Variants in NDST4 observed in about 807,000 individuals in gnomAD.
The protein encoded by NDST4 is N-deacetylase and N-sulfotransferase 4.
NDST4 carries 63 observed loss-of-function variants against 100.8 expected under a neutral mutation model. That is an observed-to-expected ratio of 0.62 (90% CI 0.51 to 0.77). The LOEUF is 0.77. NDST4 is among the 30% of genes least tolerant of loss of function. The probability of loss-of-function intolerance (pLI) is 0.00; values close to 1 mark genes in which losing one functional copy is unlikely to be tolerated. For synonymous variants in NDST4, 377 were observed against 361.8 expected (o/e 1.04, Z -0.48); for missense variants, 943 against 1,018.4 (o/e 0.93, Z 1.01).
Position 114,993,362 on chromosome 4 carries a change from A to G in NDST4, c.979-16088T>C, listed in dbSNP as rs531142152. Reference sequence around the variant, plus strand: ...AAGAATTGGAGTAGGCAAAAAACTTACTTGAACGTTCCTTCACCTTGTAGC... The same window carrying G: ...AAGAATTGGAGTAGGCAAAAAACTTGCTTGAACGTTCCTTCACCTTGTAGC... On this transcript the variant is annotated intron_variant, in intron 2 of 13. Transcript: ENST00000264363. Among the ~76,000 whole-genome samples, 426 of 151,988 alleles carry G rather than the reference A, an allele frequency of 2.8e-3. 2 individuals are homozygous for G. The highest frequency in any genetic ancestry group is 1.0e-2 in the African/African-American group (414 of 41,520).
intron 1 of NDST4, among the ~76,000 whole-genome samples, chr4:115,093,936 C>G (rs511198): frequency 0.77 from 117,257 of 151,866 alleles, 45,927 homozygotes; most frequent in African/African-American, 0.89. Flanking sequence ...GAGCAGAACA[C>G]ATTCAGATAT....
Position 115,008,305 on chromosome 4 carries a change from G to A in NDST4, c.979-31031C>T, listed in dbSNP as rs1424351335. 1.6e-5 allele frequency among the ~76,000 whole-genome samples: 2 copies of A among 129,000 alleles called. 1 individual carries two copies. The highest frequency in any genetic ancestry group is 5.9e-5 in the African/African-American group (2 of 33,950). The allele number at this position is 129,000 out of a possible 152,430, so 84.6% of individuals were successfully genotyped here. On this transcript the variant is annotated intron_variant, in intron 2 of 13. Transcript: ENST00000264363. ...ATGCAGTTTCTTCCTAGACTCGATGGTCTTTACAATTTGGCATGATTTTGC... is the reference window on the plus strand; with the variant it reads ...ATGCAGTTTCTTCCTAGACTCGATGATCTTTACAATTTGGCATGATTTTGC...
chr4:114,841,083 A>G lies in NDST4; in HGVS notation c.2116-1535T>C, dbSNP rs28564632. On this transcript the variant is annotated intron_variant, in intron 10 of 13. Transcript: ENST00000264363. ...TTAATACAGTAATGCTAAAATGTCTACCTTAAGCAGTGATAATATGAAACT... is the reference window on the plus strand; with the variant it reads ...TTAATACAGTAATGCTAAAATGTCTGCCTTAAGCAGTGATAATATGAAACT... Among the ~76,000 whole-genome samples the G allele has an allele frequency of 2.7e-3, 404 of 151,776 alleles. 3 individuals are homozygous for G. Among genetic ancestry groups the G allele is most frequent in the African/African-American group, 9.4e-3 (385 of 41,162 alleles).
intron 6 of NDST4, among the ~76,000 whole-genome samples, chr4:114,891,406 C>T (rs1724593977): frequency 6.6e-6 from 1 of 152,054 alleles, no homozygotes; most frequent in African/African-American, 2.4e-5. Context: ...GATCATTTCA[C>T]ATTCTTCTCA....
intron 11 of NDST4, among the ~76,000 whole-genome samples, chr4:114,835,502 TC>T (rs552862552): frequency 1.4e-3 from 210 of 152,348 alleles, no homozygotes; most frequent in African/African-American, 4.7e-3. Context: ...TGATTTCCAT[TC>T]TTTTGCATTT....
chr4:114,842,825 C>CA (rs907348358), intron 10 of NDST4: 4 of 155,014 alleles, frequency 2.6e-5, no homozygotes, highest in African/African-American at 7.3e-5. Context: ...GCAACAACAA[C>CA]AAAAAACTTT....
intron 6 of NDST4, among the ~76,000 whole-genome samples, chr4:114,922,400 A>G (rs1366848803): frequency 6.6e-6 from 1 of 152,164 alleles, no homozygotes. Context: ...GCCACTGTGC[A>G]TGTGGACAGC....
At chr4:115,080,974 C>A (rs1489020125) in intron 1 of NDST4, among the ~76,000 whole-genome samples, 1 of 151,942 alleles carries the variant, frequency 6.6e-6, no homozygotes, top group Non-Finnish European at 1.5e-5. Context: ...CAAGTTAATA[C>A]TTGGTTTAAT....
intron 1 of NDST4, among the ~76,000 whole-genome samples, chr4:115,087,533 A>G (rs1729432697): frequency 6.6e-6 from 1 of 150,956 alleles, no homozygotes; most frequent in South Asian, 2.1e-4. Flanking sequence ...TTGACAGTGG[A>G]TGGTTTTAAA....
intron 2 of NDST4, among the ~76,000 whole-genome samples, chr4:115,048,058 A>G (rs915971897): frequency 6.6e-6 from 1 of 151,792 alleles, no homozygotes; most frequent in Admixed American, 6.6e-5. Flanking sequence ...AAACTTAATG[A>G]CTGGGTAATA....
At chr4:114,898,106 G>T (rs371486467) in intron 6 of NDST4, among the ~76,000 whole-genome samples, 20 of 152,170 alleles carry the variant, frequency 1.3e-4, no homozygotes, top group African/African-American at 4.6e-4. Flanking sequence ...GCCTTTGGTG[G>T]TGTAGCTAAA....
intron 2 of NDST4, among the ~76,000 whole-genome samples, chr4:114,991,465 A>C (rs1189469418): frequency 6.6e-6 from 1 of 152,048 alleles, no homozygotes; most frequent in African/African-American, 2.4e-5. Context: ...AAGGCAAATA[A>C]ATATTTTGAA....
chr4:114,995,654 T>C (rs1364292258), intron 2 of NDST4, among the ~76,000 whole-genome samples: 1 of 152,132 alleles, frequency 6.6e-6, no homozygotes, highest in Non-Finnish European at 1.5e-5. Context: ...CAAAATGATC[T>C]TCCCAATTAT....
chr4:114,969,182 C>A (rs1301578691), intron 4 of NDST4, among the ~76,000 whole-genome samples: 1 of 150,984 alleles, frequency 6.6e-6, no homozygotes, highest in African/African-American at 2.4e-5. Flanking sequence ...GGCGTAGTGG[C>A]GGGCGCCTGT....
chr4:114,985,483 C>A (rs1022103434), intron 2 of NDST4, among the ~76,000 whole-genome samples: 2 of 152,212 alleles, frequency 1.3e-5, no homozygotes, highest in African/African-American at 4.8e-5. Context: ...AGGTGATGAG[C>A]AACACTCTAA....
At position 114,898,558 on chromosome 4, in the gene NDST4, T is replaced by A. The variant is rs1362995148; in HGVS notation, c.1537-27608A>T. Among the ~76,000 whole-genome samples the A allele has an allele frequency of 3.3e-5, 5 of 152,314 alleles. No individual in the cohort carries two copies. The East Asian group carries it at 9.7e-4, about 29-fold the overall frequency. On this transcript the variant is annotated intron_variant, in intron 6 of 13. Transcript: ENST00000264363. ...TTGCCTCCTCGTATAAACTTTAAAATCAGTTTGCTATTACTCACAAACCAC... is the reference window on the plus strand; with the variant it reads ...TTGCCTCCTCGTATAAACTTTAAAAACAGTTTGCTATTACTCACAAACCAC...
At chr4:114,984,013 G>C (rs2126247859) in intron 2 of NDST4, among the ~76,000 whole-genome samples, 1 of 152,144 alleles carries the variant, frequency 6.6e-6, no homozygotes, top group East Asian at 1.9e-4. Context: ...CTTCCCCTTT[G>C]CTTTCCACCA....
intron 6 of NDST4, among the ~76,000 whole-genome samples, chr4:114,923,628 C>CT (rs1725331092): frequency 6.6e-6 from 1 of 151,916 alleles, no homozygotes; most frequent in Admixed American, 6.6e-5. Context: ...GTTTTCTTTT[C>CT]TTTTTTTCTT....
intron 4 of NDST4, among the ~76,000 whole-genome samples, chr4:114,952,658 A>C (rs986456357): frequency 2.6e-5 from 4 of 152,202 alleles, no homozygotes; most frequent in Non-Finnish European, 5.9e-5. Flanking sequence ...TGGTGAAAAT[A>C]GGAATTGACG....
Sources: gnomAD v4.1 joint callset for allele counts (sites outside exome capture counted in the v4.1 genomes callset) on GRCh38, gnomAD v4.1.1 for gene constraint, MANE v1.5 for transcripts, NCBI Gene and HGNC (gene_info 2026-07-23, HGNC 2026-07-21) for gene names.